The following KCNAB1 variants were observed in gnomAD, a reference collection of about 807,000 sequenced individuals.
KCNAB1 encodes the protein voltage-gated potassium channel subunit beta-1.
In KCNAB1, 35 loss-of-function variants were observed where a neutral mutation model predicts 64.6. That is an observed-to-expected ratio of 0.54 (90% confidence interval 0.41 to 0.72). The LOEUF (loss-of-function observed/expected upper bound fraction) is 0.72, where lower values mean the gene tolerates loss of function less well. Ranked by LOEUF, KCNAB1 falls within the 30% of genes least tolerant of loss-of-function variation. The pLI is 0.00. For missense variants in KCNAB1, 401 were observed against 512.9 expected, an observed-to-expected ratio of 0.78 and a Z score of 2.11; for synonymous variants, 177 against 183.8, an observed-to-expected ratio of 0.96 and a Z score of 0.30.
intron 1 of KCNAB1, among the ~76,000 whole-genome samples, chr3:156,208,386 G>C (rs1283313511): frequency 2.0e-5 from 3 of 152,096 alleles, no homozygotes; most frequent in Non-Finnish European, 2.9e-5. Context: ...ATCTCAGCTT[G>C]GCTTTCTCTG....
At chr3:156,423,728 G>C (rs948929740) in intron 2 of KCNAB1, among the ~76,000 whole-genome samples, 7 of 152,180 alleles carry the variant, frequency 4.6e-5, no homozygotes, top group African/African-American at 1.7e-4. Flanking sequence ...GATAAAAAGA[G>C]GGCAAAGATG....
intron 1 of KCNAB1, chr3:156,273,704 G>A (rs1407409921): frequency 6.6e-6 from 3 of 452,790 alleles, no homozygotes; most frequent in African/African-American, 6.0e-5. Flanking sequence ...CTGATGTTTG[G>A]TTCTTAGGAA....
intron 1 of KCNAB1, among the ~76,000 whole-genome samples, chr3:156,284,467 G>T (rs1303958155): frequency 6.6e-6 from 1 of 152,230 alleles, no homozygotes; most frequent in East Asian, 1.9e-4. Flanking sequence ...GAGGCAGGCA[G>T]GCCTCCTTGA....
intron 10 of KCNAB1, among the ~76,000 whole-genome samples, chr3:156,515,572 C>A (rs1042264701): frequency 5.9e-5 from 9 of 151,842 alleles, no homozygotes; most frequent in Admixed American, 3.3e-4. Context: ...GACTACCTTT[C>A]AAAAAAAATC....
intron 1 of KCNAB1, among the ~76,000 whole-genome samples, chr3:156,231,508 C>T: frequency 7.5e-6 from 1 of 133,634 alleles, no homozygotes; most frequent in Non-Finnish European, 1.6e-5. Context: ...CCCTCCCTCC[C>T]TCCCTCCCTT....
At chr3:156,333,878 CTCTT>C (rs953296921) in intron 1 of KCNAB1, among the ~76,000 whole-genome samples, 24 of 151,964 alleles carry the variant, frequency 1.6e-4, no homozygotes, top group South Asian at 2.1e-4. Context: ...CTTTTTTTCT[CTCTT>C]TCTGTGAATG....
intron 1 of KCNAB1, among the ~76,000 whole-genome samples, chr3:156,130,662 TAG>T: frequency 6.6e-6 from 1 of 152,364 alleles, no homozygotes; most frequent in Admixed American, 6.5e-5. Context: ...CTCCCTGCCC[TAG>T]TTTGGGTTGA....
chr3:156,394,320 G>T (rs748050101), intron 1 of KCNAB1, among the ~76,000 whole-genome samples: 3 of 152,194 alleles, frequency 2.0e-5, no homozygotes, highest in African/African-American at 4.8e-5. Context: ...TGTTGATTCT[G>T]CCATGTTCTA....
chr3:156,254,751 A>G (rs1411426206), intron 1 of KCNAB1, among the ~76,000 whole-genome samples: 1 of 152,224 alleles, frequency 6.6e-6, no homozygotes, highest in African/African-American at 2.4e-5. Context: ...TTGACTTCCT[A>G]TCCATCTAAG....
chr3:156,279,537 G>T (rs1329532481), intron 1 of KCNAB1, among the ~76,000 whole-genome samples: 2 of 151,986 alleles, frequency 1.3e-5, no homozygotes, highest in East Asian at 1.9e-4. Flanking sequence ...CTGAGGAGTC[G>T]CCACACTGAC....
chr3:156,276,228 A>G (rs1250882557), intron 1 of KCNAB1, among the ~76,000 whole-genome samples: 4 of 152,122 alleles, frequency 2.6e-5, no homozygotes, highest in Non-Finnish European at 5.9e-5. Context: ...CTTTTTTTCT[A>G]AGGAGTAAGT....
Position 156,398,428 on chromosome 3 carries a change from T to C in KCNAB1, c.276-23188T>C, listed in dbSNP as rs910172361. Among the ~76,000 whole-genome samples the C allele has an allele frequency of 5.3e-5, 8 of 152,092 alleles. No homozygotes were observed. The South Asian group carries it at 1.7e-3, about 32-fold the overall frequency. On this transcript the variant is annotated intron_variant, in intron 1 of 13. Coordinates refer to ENST00000490337, the MANE Select transcript of KCNAB1 (RefSeq NM_172160.3). ...TAACATGGCGAAACCCGGTCTCTAC[T>C]AAAAATTCAAAAAATTAGCCGGGCG...
chr3:156,255,514 G>A (rs895579530), intron 1 of KCNAB1, among the ~76,000 whole-genome samples: 4 of 152,048 alleles, frequency 2.6e-5, no homozygotes, highest in African/African-American at 7.2e-5. Context: ...GCTTTGACCC[G>A]AGCCTCTCTC....
chr3:156,488,695 GCCAACTCCA>G (rs1281817770), intron 8 of KCNAB1, among the ~76,000 whole-genome samples: 12 of 152,086 alleles, frequency 7.9e-5, no homozygotes, highest in Admixed American at 7.2e-4. Flanking sequence ...CTTCTCAATA[GCCAACTCCA>G]GAGTCCTAAG....
chr3:156,514,159 A>G (rs1717402344), intron 8 of KCNAB1, among the ~76,000 whole-genome samples: 2 of 152,230 alleles, frequency 1.3e-5, no homozygotes, highest in South Asian at 4.1e-4. Flanking sequence ...GGAAAATGGA[A>G]TGTCAGTTTG....
At chr3:156,249,023 G>C (rs533508694) in intron 1 of KCNAB1, among the ~76,000 whole-genome samples, 189 of 104,182 alleles carry the variant, frequency 1.8e-3, no homozygotes, top group Non-Finnish European at 3.5e-3. Flanking sequence ...TAGAAATCTG[G>C]TTGTGTTTTT....
intron 1 of KCNAB1, among the ~76,000 whole-genome samples, chr3:156,317,150 C>T (rs1313931158): frequency 2.6e-5 from 4 of 152,142 alleles, no homozygotes; most frequent in African/African-American, 7.2e-5. Context: ...CTTTGATCTG[C>T]AACCTAGAAT....
chr3:156,428,197 C>T (rs560706301), intron 2 of KCNAB1, among the ~76,000 whole-genome samples: 3 of 152,236 alleles, frequency 2.0e-5, no homozygotes, highest in Admixed American at 6.5e-5. Context: ...CGATTGCCCT[C>T]CCTAATGTGG....
intron 1 of KCNAB1, among the ~76,000 whole-genome samples, chr3:156,372,039 T>G (rs2108128506): frequency 6.6e-6 from 1 of 152,078 alleles, no homozygotes; most frequent in Admixed American, 6.5e-5. Context: ...ACATGTGCAG[T>G]TACAGATTAA....
Sources: allele counts gnomAD v4.1 joint callset (sites outside exome capture counted in the v4.1 genomes callset), GRCh38; gene constraint gnomAD v4.1.1; transcripts MANE v1.5; gene names NCBI Gene and HGNC (gene_info 2026-07-23, HGNC 2026-07-21).